Variants in RBFOX1 observed in about 807,000 individuals in gnomAD.
RBFOX1 encodes RNA binding fox-1 homolog 1, also known as RNA binding protein fox-1 homolog 1.
A neutral mutation model predicts 57.7 loss-of-function variants in RBFOX1; 8 were observed. That is an observed-to-expected ratio of 0.14 (90% CI 0.08 to 0.25). RBFOX1 has a LOEUF of 0.25. RBFOX1 is among the 10% of genes least tolerant of loss of function. The pLI, the probability that RBFOX1 is intolerant of heterozygous loss-of-function variation, is 1.00. For missense variants in RBFOX1, 611 were observed against 548.5 expected, an observed-to-expected ratio of 1.11 and a Z score of -1.14; for synonymous variants, 326 against 222.4, an observed-to-expected ratio of 1.47 and a Z score of -4.15.
At chr16:6,144,233 TTC>T (rs2096741001) in intron 1 of RBFOX1, among the ~76,000 whole-genome samples, 2 of 152,154 alleles carry the variant, frequency 1.3e-5, no homozygotes, top group African/African-American at 4.8e-5. Flanking sequence ...TAGAAAATTA[TTC>T]TCTTTTTAAT....
chr16:6,296,452 G>A (rs561582394), intron 1 of RBFOX1, among the ~76,000 whole-genome samples: 2 of 146,646 alleles, frequency 1.4e-5, no homozygotes, highest in African/African-American at 2.5e-5. Flanking sequence ...GTGGAGTCTC[G>A]CTCTGTCGCC....
At chr16:7,080,076 T>C (rs1321797392) in intron 4 of RBFOX1, among the ~76,000 whole-genome samples, 1 of 140,200 alleles carries the variant, frequency 7.1e-6, no homozygotes, top group Non-Finnish European at 1.5e-5. Context: ...TATACATATA[T>C]ACATATGTAT....
intron 4 of RBFOX1, among the ~76,000 whole-genome samples, chr16:7,186,935 A>C (rs141320208): frequency 3.1e-3 from 458 of 148,140 alleles, no homozygotes; most frequent in Middle Eastern, 7.0e-3. Context: ...AGGCAGGCAA[A>C]TTGCTTGAGA....
rs753650422 is a variant in RBFOX1 at position 7,015,514 on chromosome 16, C to T, written c.-15-36543C>T. 3.3e-5 allele frequency among the ~76,000 whole-genome samples: 5 copies of T among 152,192 alleles called. No homozygotes were observed. In the South Asian group the frequency reaches 6.2e-4, roughly 19 times the overall value. On this transcript the variant is annotated intron_variant, in intron 3 of 15. Transcript: ENST00000550418. Reference sequence around the variant, plus strand: ...CTGGGGAGAGGAAAAAGTGTTTTTCCCTTCCCAAATCAAGCATCAATTAAT... The same window carrying T: ...CTGGGGAGAGGAAAAAGTGTTTTTCTCTTCCCAAATCAAGCATCAATTAAT...
rs146781805 is a variant in RBFOX1 at position 6,190,906 on chromosome 16, T to C, written c.-126-126089T>C. Among the ~76,000 whole-genome samples the C allele has an allele frequency of 7.5e-3, 1,149 of 152,270 alleles. 12 individuals carry two copies. Among genetic ancestry groups the C allele is most frequent in the African/African-American group, 0.026 (1,082 of 41,552 alleles). ...CTCCATCTTGTGTGTGGTGTGACTG[T>C]AAGTGAGAGTGAATGACAACACGCC... On this transcript the variant is annotated intron_variant, in intron 1 of 15. Coordinates refer to ENST00000550418, the MANE Select transcript of RBFOX1 (RefSeq NM_018723.4).
intron 1 of RBFOX1, among the ~76,000 whole-genome samples, chr16:6,160,042 G>A (rs2096866765): frequency 6.6e-6 from 1 of 152,118 alleles, no homozygotes; most frequent in African/African-American, 2.4e-5. Context: ...CTTACCTTCA[G>A]TGAAGATGCT....
intron 3 of RBFOX1, among the ~76,000 whole-genome samples, chr16:6,920,214 A>C (rs763323622): frequency 6.6e-6 from 1 of 151,558 alleles, no homozygotes; most frequent in African/African-American, 2.4e-5. Context: ...TATTTTTGCA[A>C]TTGCAAATTG....
chr16:5,581,310 T>A (rs2046658054), intron 2 of RBFOX1, among the ~76,000 whole-genome samples: 1 of 152,252 alleles, frequency 6.6e-6, no homozygotes, highest in South Asian at 2.1e-4. Context: ...ACAGAGGTCC[T>A]AACTCTAGCA....
intron 4 of RBFOX1, among the ~76,000 whole-genome samples, chr16:7,247,777 G>C (rs2094359320): frequency 6.6e-6 from 1 of 152,114 alleles, no homozygotes; most frequent in South Asian, 2.1e-4. Flanking sequence ...TGTTCATCTA[G>C]GTATTTTAAA....
At chr16:6,947,073 C>G (rs1425956159) in intron 3 of RBFOX1, among the ~76,000 whole-genome samples, 3 of 152,146 alleles carry the variant, frequency 2.0e-5, no homozygotes. Context: ...AAGGTCTGTG[C>G]TTTCTCAGAG....
At chr16:5,761,483 C>T (rs2053586406) in intron 3 of RBFOX1, among the ~76,000 whole-genome samples, 1 of 152,192 alleles carries the variant, frequency 6.6e-6, no homozygotes, top group African/African-American at 2.4e-5. Flanking sequence ...TGACTCAGTT[C>T]CACATGGCTT....
intron 1 of RBFOX1, among the ~76,000 whole-genome samples, chr16:6,193,967 T>C (rs2097163786): frequency 6.6e-6 from 1 of 152,166 alleles, no homozygotes; most frequent in Non-Finnish European, 1.5e-5. Flanking sequence ...TTCCATTGTG[T>C]TTTCTCATGG....
intron 5 of RBFOX1, among the ~76,000 whole-genome samples, chr16:7,524,976 A>G (rs929021842): frequency 6.6e-6 from 1 of 152,244 alleles, no homozygotes; most frequent in Non-Finnish European, 1.5e-5. Flanking sequence ...GGAAAAGGAT[A>G]TAAAATGAAA....
intron 3 of RBFOX1, among the ~76,000 whole-genome samples, chr16:6,691,819 G>C (rs1196840139): frequency 1.3e-5 from 2 of 152,078 alleles, no homozygotes; most frequent in Non-Finnish European, 1.5e-5. Context: ...GTCATCCCAA[G>C]GGTCCTTGAA....
At chr16:6,508,031 C>T (rs1038872920) in intron 2 of RBFOX1, among the ~76,000 whole-genome samples, 31 of 152,054 alleles carry the variant, frequency 2.0e-4, no homozygotes, top group African/African-American at 7.0e-4. Flanking sequence ...TACTATGCAG[C>T]CATAAAAAAG....
Position 5,432,420 on chromosome 16 carries a change from C to T in RBFOX1, c.220-34796C>T, listed in dbSNP as rs186485776. On this transcript the variant is annotated intron_variant, in intron 1 of 2. Coordinates refer to the RBFOX1 transcript ENST00000585867. ...CCTGTAATTTAACTAGAAGACGCAC[C>T]CGTATTTATTGTCCGTCATTATCCC... Among the ~76,000 whole-genome samples the T allele has an allele frequency of 6.6e-4, 100 of 152,164 alleles. 1 individual carries two copies. In the East Asian group the frequency reaches 0.014, roughly 21 times the overall value.
In RBFOX1 at chr16:7,563,769, A is replaced by G. The variant is rs181501855; in HGVS notation, c.271-16008A>G. ...AGGGCTGAGCCACCGCACCCACTCT[A>G]TTATATATTTTAACTACCTATCCTG... On this transcript the variant is annotated intron_variant, in intron 5 of 15. Transcript: ENST00000550418. Among the ~76,000 whole-genome samples the G allele has an allele frequency of 2.8e-3, 422 of 152,072 alleles. 1 individual carries two copies. Among genetic ancestry groups the G allele is most frequent in the Non-Finnish European group, 4.9e-3 (332 of 67,972 alleles).
chr16:6,446,534 C>T (rs891932797), intron 2 of RBFOX1, among the ~76,000 whole-genome samples: 1 of 152,034 alleles, frequency 6.6e-6, no homozygotes, highest in African/African-American at 2.4e-5. Flanking sequence ...TGTATCAATG[C>T]CTTCTGTATT....
intron 3 of RBFOX1, among the ~76,000 whole-genome samples, chr16:5,794,511 C>CGTGTGTGTGT (rs59795545): frequency 6.7e-6 from 1 of 149,802 alleles, no homozygotes; most frequent in African/African-American, 2.4e-5. Flanking sequence ...TGCCAGCGTG[C>CGTGTGTGTGT]GTGTGTGTGT....
Sources: allele counts gnomAD v4.1 joint callset (sites outside exome capture counted in the v4.1 genomes callset), GRCh38; gene constraint gnomAD v4.1.1; transcripts MANE v1.5; gene names NCBI Gene and HGNC (gene_info 2026-07-23, HGNC 2026-07-21).